SLC38A1: variants seen among roughly 807,000 people sequenced by gnomAD.
The protein encoded by SLC38A1 is sodium-coupled neutral amino acid symporter 1.
Under a neutral mutation model 60.3 loss-of-function variants are expected in SLC38A1, and 18 were observed. The ratio of observed to expected loss-of-function variants is 0.30; its 90% confidence interval spans 0.21 to 0.44. The LOEUF (loss-of-function observed/expected upper bound fraction) is 0.44, where lower values mean the gene tolerates loss of function less well. SLC38A1 is among the 20% of genes least tolerant of loss of function. The pLI is 1.00. For synonymous variants in SLC38A1, 196 were observed against 212.1 expected (o/e 0.92, Z 0.66); for missense variants, 448 against 587.2 (o/e 0.76, Z 2.45).
chr12:46,205,548 CAAG>C (rs1939859190), intron 9 of SLC38A1, among the ~76,000 whole-genome samples: 1 of 152,110 alleles, frequency 6.6e-6, no homozygotes, highest in Non-Finnish European at 1.5e-5. Flanking sequence ...AGCATAAAAA[CAAG>C]TAGTAGATCA....
In SLC38A1 at chr12:46,269,037, T is replaced by A; in HGVS notation, c.-720A>T. ...CGCCCGCTCTTTAACCAAAGCTGCG[T>A]GTCAGTGAGCCGTGCCGGTCACATG... On this transcript the variant is annotated 5_prime_UTR_variant, in exon 1 of 17. Transcript: ENST00000398637. 3.2e-6 allele frequency: 1 copy of A among 308,780 alleles called. No homozygotes were observed. The highest frequency in any genetic ancestry group is 9.6e-5 in the East Asian group (1 of 10,366). The allele number at this position is 308,780 out of a possible 1,614,324, so 19.1% of individuals were successfully genotyped here.
chr12:46,202,945 G>C (rs1939727675), intron 12 of SLC38A1, 65 bp downstream of exon 12: 3 of 1,213,208 alleles, frequency 2.5e-6, no homozygotes, highest in Non-Finnish European at 3.6e-6. Context: ...TATTTTAATT[G>C]CATACTTGCC....
intron 3 of SLC38A1, among the ~76,000 whole-genome samples, chr12:46,231,452 A>G (rs1565779300): frequency 6.6e-6 from 1 of 152,250 alleles, no homozygotes; most frequent in South Asian, 2.1e-4. Flanking sequence ...AAATGAAATT[A>G]AAAGTCCAGG....
intron 1 of SLC38A1, among the ~76,000 whole-genome samples, chr12:46,261,338 G>A (rs1942190753): frequency 1.3e-5 from 2 of 152,116 alleles, no homozygotes; most frequent in South Asian, 2.1e-4. Flanking sequence ...CAGCAGTTTC[G>A]TGTAGATTAC....
intron 16 of SLC38A1, 84 bp downstream of exon 16, chr12:46,197,636 C>A: frequency 1.1e-6 from 1 of 897,418 alleles, no homozygotes; most frequent in South Asian, 1.5e-5. Flanking sequence ...TGAAAGTAGT[C>A]TTGATAGAGA....
intron 5 of SLC38A1, among the ~76,000 whole-genome samples, chr12:46,209,708 T>A (rs1940064747): frequency 6.6e-6 from 1 of 152,132 alleles, no homozygotes; most frequent in Admixed American, 6.5e-5. Context: ...TCCTCTTAGA[T>A]GAATAAGCAC....
chr12:46,228,486 A>T (rs7979828), intron 5 of SLC38A1, among the ~76,000 whole-genome samples: 99,699 of 151,952 alleles, frequency 0.66, 34,133 homozygotes, highest in Non-Finnish European at 0.75. Flanking sequence ...CACCACTGAC[A>T]CTCGTGTGAC....
At chr12:46,213,437 C>T (rs1940266100) in intron 5 of SLC38A1, among the ~76,000 whole-genome samples, 1 of 152,180 alleles carries the variant, frequency 6.6e-6, no homozygotes, top group Non-Finnish European at 1.5e-5. Context: ...ACTTATATAT[C>T]AACCACTGCA....
intron 14 of SLC38A1, among the ~76,000 whole-genome samples, 156 bp from the exon 15 acceptor site, chr12:46,198,216 G>A (rs962971547): frequency 3.3e-5 from 5 of 152,136 alleles, no homozygotes; most frequent in African/African-American, 7.2e-5. Flanking sequence ...TTGGAAGTAC[G>A]GGGGCTTGAC....
rs567182598 is a variant in SLC38A1, at chr12:46,246,913, A to C, written c.-208-3599T>G. 5.9e-5 allele frequency among the ~76,000 whole-genome samples: 9 copies of C among 152,366 alleles called. No homozygotes were observed. In the South Asian group the frequency reaches 1.7e-3, roughly 28 times the overall value. On this transcript the variant is annotated intron_variant, in intron 1 of 16. Transcript: ENST00000398637. The stretch of plus-strand genomic sequence containing the variant: ...CAGGGTCTGGAAAGAACCTCCAGCA[A>C]ATTCCAACAGACCTGCAGCTGAGGG...
intron 8 of SLC38A1, 113 bp from the exon 9 acceptor site, chr12:46,206,275 G>A (rs945964239): frequency 1.8e-6 from 1 of 547,274 alleles, no homozygotes; most frequent in African/African-American, 2.0e-5. Flanking sequence ...TTTACTATAT[G>A]CATTAATTTT....
At position 46,236,621 on chromosome 12, in the gene SLC38A1, A is replaced by G. The variant is rs547725039; in HGVS notation, c.122+3058T>C. On this transcript the variant is annotated intron_variant, in intron 3 of 16. Coordinates refer to ENST00000398637, the MANE Select transcript of SLC38A1 (RefSeq NM_030674.4). Reference sequence around the variant, plus strand: ...AATTTGTAATGTCCACCCTGTAGACATTACCTAGACACTAGGATAGGCAGT... The same window carrying G: ...AATTTGTAATGTCCACCCTGTAGACGTTACCTAGACACTAGGATAGGCAGT... Among the ~76,000 whole-genome samples the G allele has an allele frequency of 3.3e-5, 5 of 152,274 alleles. No homozygotes were observed. The South Asian group carries it at 6.2e-4, about 19-fold the overall frequency.
intron 1 of SLC38A1, among the ~76,000 whole-genome samples, chr12:46,247,633 T>C (rs897611377): frequency 6.6e-6 from 1 of 152,184 alleles, no homozygotes; most frequent in Non-Finnish European, 1.5e-5. Flanking sequence ...TCAGGAGAAC[T>C]TCCACAACCT....
intron 16 of SLC38A1, among the ~76,000 whole-genome samples, chr12:46,196,489 A>G (rs777772800): frequency 1.6e-4 from 24 of 152,162 alleles, no homozygotes; most frequent in Non-Finnish European, 2.8e-4. Flanking sequence ...TTTAATCTGA[A>G]TATATTGTCC....
chr12:46,214,846 A>G (rs1940332931), intron 5 of SLC38A1, among the ~76,000 whole-genome samples: 1 of 152,206 alleles, frequency 6.6e-6, no homozygotes, highest in African/African-American at 2.4e-5. Flanking sequence ...TCACTGCATC[A>G]GATCCAGAAA....
chr12:46,211,272 C>T lies in SLC38A1; in HGVS notation c.315-2145G>A, dbSNP rs537386569. Among the ~76,000 whole-genome samples, 4 of 152,242 alleles carry T rather than the reference C, an allele frequency of 2.6e-5. No individual in the cohort carries two copies. In the South Asian group the frequency reaches 8.3e-4, roughly 32 times the overall value. ...GTGACATCTTAGGATGAGCCAGATG[C>T]TATTCTGGAATGACTATGTGCCCTG... On this transcript the variant is annotated intron_variant, in intron 5 of 16. Coordinates refer to ENST00000398637, the MANE Select transcript of SLC38A1 (RefSeq NM_030674.4).
At chr12:46,246,872 G>C (rs1021507937) in intron 1 of SLC38A1, among the ~76,000 whole-genome samples, 7 of 152,184 alleles carry the variant, frequency 4.6e-5, no homozygotes, top group Non-Finnish European at 4.4e-5. Context: ...GCCTCCACTG[G>C]TGATACCTGG....
At position 46,192,368 on chromosome 12, in the gene SLC38A1, C is replaced by T. The variant is rs1188892537; in HGVS notation, c.1363-3297G>A. 2.0e-5 allele frequency among the ~76,000 whole-genome samples: 3 copies of T among 152,160 alleles called. No homozygotes were observed. The East Asian group carries it at 5.8e-4, about 29-fold the overall frequency. On this transcript the variant is annotated intron_variant, in intron 16 of 16. Coordinates refer to ENST00000398637, the MANE Select transcript of SLC38A1 (RefSeq NM_030674.4). ...TACTGAGGATTTTCAAATCAATGTT[C>T]CTCAGGGATATTGGCCTAAAATTCT...
At chr12:46,234,699 G>A (rs552432644) in intron 3 of SLC38A1, among the ~76,000 whole-genome samples, 12 of 151,724 alleles carry the variant, frequency 7.9e-5, no homozygotes, top group Non-Finnish European at 1.3e-4. Context: ...CGCCCGCCTC[G>A]GCCTCCCAAA....
Sources: gnomAD v4.1 joint callset for allele counts (sites outside exome capture counted in the v4.1 genomes callset) on GRCh38, gnomAD v4.1.1 for gene constraint, MANE v1.5 for transcripts, NCBI Gene and HGNC (gene_info 2026-07-23, HGNC 2026-07-21) for gene names.